ALMS1: variants seen among roughly 807,000 people sequenced by gnomAD.
The protein encoded by ALMS1 is ALMS1 centrosome and basal body associated protein, also known as centrosome-associated protein ALMS1.
Under a neutral mutation model 352.2 loss-of-function variants are expected in ALMS1, and 271 were observed. The ratio of observed to expected loss-of-function variants is 0.77; its 90% CI spans 0.70 to 0.85. The LOEUF is 0.85. ALMS1 is among the 40% of genes least tolerant of loss of function. The probability of loss-of-function intolerance (pLI) is 0.00; values close to 1 mark genes in which losing one functional copy is unlikely to be tolerated. For missense variants in ALMS1, 5,445 were observed against 4,870.7 expected (o/e 1.12, Z -3.51); for synonymous variants, 1,865 against 1,761.2 (o/e 1.06, Z -1.48).
At chr2:73,432,836 G>A (rs559980908) in intron 7 of ALMS1, among the ~76,000 whole-genome samples, 9 of 152,226 alleles carry the variant, frequency 5.9e-5, no homozygotes, top group East Asian at 3.9e-4. Context: ...GTTTTTCATC[G>A]CATTCTACAT....
rs1403094265 is a variant in ALMS1, at chr2:73,572,435, G to A, written c.10558G>A (p.Asp3520Asn). The A allele has an allele frequency of 6.2e-7, 1 of 1,613,708 alleles. No individual in the cohort carries two copies. The highest frequency in any genetic ancestry group is 1.1e-5 in the South Asian group (1 of 90,950). ...GAAAGATTTCTTTCAGCATCATCCAGACAAACATAGAGAACACATGTGTCT... is the reference window on the plus strand; with the variant it reads ...GAAAGATTTCTTTCAGCATCATCCAAACAAACATAGAGAACACATGTGTCT... ...SWKDFFQHHP[D>N]KHREHMCLPL... is the part of the protein sequence containing the mutation. Residue 3520 changes from aspartate (D) to asparagine (N), a missense_variant, in exon 16 of 23, where the codon GAC (aspartate) becomes AAC (asparagine). Coordinates refer to ENST00000613296, the MANE Select transcript of ALMS1 (RefSeq NM_001378454.1).
At chr2:73,456,824 G>A (rs1384512636) in intron 9 of ALMS1, 1 of 152,158 alleles carries the variant, frequency 6.6e-6, no homozygotes, top group Admixed American at 6.5e-5. Context: ...CACTATCCTA[G>A]CATCATTTGT....
chr2:73,566,600 A>G (rs1674805610), intron 15 of ALMS1, among the ~76,000 whole-genome samples: 1 of 152,218 alleles, frequency 6.6e-6, no homozygotes, highest in African/African-American at 2.4e-5. Flanking sequence ...TTAGAAAGCA[A>G]AACCACAGAT....
At chr2:73,521,923 T>C (rs573089268) in intron 11 of ALMS1, among the ~76,000 whole-genome samples, 16 of 151,986 alleles carry the variant, frequency 1.1e-4, no homozygotes, top group Non-Finnish European at 1.9e-4. Flanking sequence ...TATGAGGTGT[T>C]TTTTTTTGTT....
chr2:73,455,460 G>A (rs1383320918), intron 9 of ALMS1, among the ~76,000 whole-genome samples, 165 bp downstream of exon 9: 1 of 152,192 alleles, frequency 6.6e-6, no homozygotes, highest in Non-Finnish European at 1.5e-5. Flanking sequence ...CTGAAGTGCA[G>A]CAGTGCAATC....
chr2:73,386,557 G>C (rs1052282039), intron 1 of ALMS1, among the ~76,000 whole-genome samples: 1 of 152,154 alleles, frequency 6.6e-6, no homozygotes, highest in African/African-American at 2.4e-5. Context: ...GGAGCATCTT[G>C]TTGGGGAGAC....
chr2:73,413,240 C>T (rs1003742785), intron 2 of ALMS1, among the ~76,000 whole-genome samples: 19 of 152,098 alleles, frequency 1.2e-4, no homozygotes, highest in Middle Eastern at 3.4e-3. Context: ...TCAGTTGTTT[C>T]TTTTGCAGAG....
chr2:73,495,646 C>G (rs1019730650), intron 10 of ALMS1, among the ~76,000 whole-genome samples: 1 of 152,158 alleles, frequency 6.6e-6, no homozygotes, highest in African/African-American at 2.4e-5. Flanking sequence ...TAGCCTTTCT[C>G]AGTGAATAAA....
chr2:73,422,828 C>A lies in ALMS1; in HGVS notation c.647-29C>A, dbSNP rs775927581. The A allele has an allele frequency of 3.9e-6, 6 of 1,539,276 alleles. No homozygotes were observed. In the African/African-American group the frequency reaches 8.2e-5, roughly 21 times the overall value. ...AGTAAATAATCAATTTTCAGCATTA[C>A]CCAGCATTTAATATTTGAAACTTTA... On this transcript the variant is annotated intron_variant, in intron 3 of 22. Transcript: ENST00000613296.
At position 73,573,429 on chromosome 2, in the gene ALMS1, A is replaced by G. The variant is rs1181494101; in HGVS notation, c.11547+5A>G. The G allele has an allele frequency of 2.5e-6, 4 of 1,613,896 alleles. No individual in the cohort carries two copies. Among genetic ancestry groups the G allele is most frequent in the Admixed American group, 1.7e-5 (1 of 59,946 alleles). On this transcript the variant is annotated splice_donor_5th_base_variant and intron_variant, in intron 16 of 22. Transcript: ENST00000613296. Reference sequence around the variant, plus strand: ...ACCAGAAGGAGACACATCCAGGTACATGGCTACAGATTCCATCTGGCAATG... The same window carrying G: ...ACCAGAAGGAGACACATCCAGGTACGTGGCTACAGATTCCATCTGGCAATG...
At chr2:73,591,754 A>G (rs972720799) in intron 16 of ALMS1, among the ~76,000 whole-genome samples, 1 of 152,186 alleles carries the variant, frequency 6.6e-6, no homozygotes, top group Non-Finnish European at 1.5e-5. Context: ...AAGAGGAAAC[A>G]TATTTGGGAG....
intron 7 of ALMS1, among the ~76,000 whole-genome samples, chr2:73,436,162 T>C (rs1671600699): frequency 6.6e-6 from 1 of 152,260 alleles, no homozygotes; most frequent in African/African-American, 2.4e-5. Flanking sequence ...CTTGGAATTC[T>C]TGGTTGACAG....
intron 9 of ALMS1, among the ~76,000 whole-genome samples, 185 bp from the exon 10 acceptor site, chr2:73,489,449 A>G (rs914861917): frequency 9.9e-5 from 15 of 152,146 alleles, no homozygotes; most frequent in Non-Finnish European, 2.1e-4. Context: ...ATTGTGAGCC[A>G]TTTTATTCTG....
intron 11 of ALMS1, among the ~76,000 whole-genome samples, chr2:73,534,147 A>G (rs879289310): frequency 4.6e-5 from 7 of 152,156 alleles, no homozygotes; most frequent in Non-Finnish European, 1.0e-4. Context: ...TATGCATACT[A>G]TATGCAGACA....
intron 10 of ALMS1, among the ~76,000 whole-genome samples, chr2:73,507,661 C>T (rs1341565379): frequency 1.3e-5 from 2 of 152,120 alleles, no homozygotes; most frequent in East Asian, 3.8e-4. Context: ...TGATTCTTCT[C>T]TCTTTTCTTC....
At chr2:73,487,689 A>G (rs1240654481) in intron 9 of ALMS1, among the ~76,000 whole-genome samples, 1 of 152,198 alleles carries the variant, frequency 6.6e-6, no homozygotes, top group African/African-American at 2.4e-5. Context: ...TCCATGAAGA[A>G]TGAGGTATGT....
chr2:73,523,228 T>C (rs766069552), intron 11 of ALMS1, among the ~76,000 whole-genome samples: 1 of 152,180 alleles, frequency 6.6e-6, no homozygotes, highest in Non-Finnish European at 1.5e-5. Context: ...CATAACACTT[T>C]TCAGTAAATA....
intron 12 of ALMS1, 102 bp from the exon 13 acceptor site, chr2:73,550,165 T>A: frequency 4.7e-6 from 6 of 1,284,572 alleles, no homozygotes; most frequent in Non-Finnish European, 6.6e-6. Context: ...TGGCCTGTAG[T>A]GCTTTTTTCA....
chr2:73,454,133 T>C, intron 8 of ALMS1, 66 bp downstream of exon 8: 1 of 1,546,492 alleles, frequency 6.5e-7, no homozygotes, highest in African/African-American at 1.4e-5. Flanking sequence ...TAGATATTTA[T>C]GTTTTGAGGA....
Sources: gnomAD v4.1 joint callset for allele counts (sites outside exome capture counted in the v4.1 genomes callset) on GRCh38, gnomAD v4.1.1 for gene constraint, MANE v1.5 for transcripts, NCBI Gene and HGNC (gene_info 2026-07-23, HGNC 2026-07-21) for gene names.